UTRN: variants seen among roughly 807,000 people sequenced by gnomAD.
UTRN encodes the protein dystrophin-related protein 1.
A neutral mutation model predicts 463.9 loss-of-function variants in UTRN; 283 were observed. The observed-to-expected ratio is 0.61, with a 90% CI of 0.55 to 0.67. The LOEUF (loss-of-function observed/expected upper bound fraction) is 0.67. Among genes scored for constraint, UTRN ranks in the 30% least tolerant of loss-of-function variants. The pLI is 0.00. For synonymous variants in UTRN, 1,442 were observed against 1,431.5 expected (o/e 1.01, Z -0.17); for missense variants, 3,922 against 4,084.3 (o/e 0.96, Z 1.08).
At position 144,751,966 on chromosome 6, in the gene UTRN, C is replaced by T; in HGVS notation, c.8355+14C>T. On this transcript the variant is annotated intron_variant, in intron 56 of 74. Coordinates refer to ENST00000367545, the MANE Select transcript of UTRN (RefSeq NM_007124.3). ...AAACTTTTACAGGTATCAGCTTATT[C>T]CCCTTCATAATGCAGGCTTACACCT... The T allele has an allele frequency of 6.3e-7, 1 of 1,597,334 alleles. No individual in the cohort carries two copies. The highest frequency in any genetic ancestry group is 8.5e-7 in the Non-Finnish European group (1 of 1,173,062).
Position 144,305,689 on chromosome 6 carries a change from C to T in UTRN, c.79+13782C>T, listed in dbSNP as rs1056752097. Among the ~76,000 whole-genome samples, 4 of 152,352 alleles carry T rather than the reference C, an allele frequency of 2.6e-5. No homozygotes were observed. The South Asian group carries it at 6.2e-4, about 24-fold the overall frequency. The stretch of plus-strand genomic sequence containing the variant: ...AGGGAATGCTGGTGCTGGGATGGCC[C>T]TTCAGAGATTTCCCAACTTGAGGCA... On this transcript the variant is annotated intron_variant, in intron 2 of 74. Transcript: ENST00000367545.
At chr6:144,799,010 G>T (rs752927797) in intron 64 of UTRN, among the ~76,000 whole-genome samples, 22 of 152,226 alleles carry the variant, frequency 1.4e-4, no homozygotes, top group Non-Finnish European at 2.9e-4. Context: ...AAAGTGCTGG[G>T]ATTACAGGCG....
rs9390167 is a variant in UTRN, at chr6:144,361,476, G to A, written c.80-41647G>A. ...GTTAAAACCATCCAGGAGTCTTCCA[G>A]GGAAGTCCAGAATCTTCCAGGGAAG... is the stretch of plus-strand genomic sequence containing the variant. On this transcript the variant is annotated intron_variant, in intron 2 of 74. Coordinates refer to ENST00000367545, the MANE Select transcript of UTRN (RefSeq NM_007124.3). Among the ~76,000 whole-genome samples, 684 of 152,288 alleles carry A rather than the reference G, an allele frequency of 4.5e-3. 31 individuals are homozygous for A. In the East Asian group the frequency reaches 0.093, roughly 21 times the overall value.
At chr6:144,724,009 CAAAAAAAA>C (rs59598919) in intron 53 of UTRN, among the ~76,000 whole-genome samples, 2 of 58,774 alleles carry the variant, frequency 3.4e-5, no homozygotes, top group African/African-American at 1.1e-4. Flanking sequence ...GACTCCATCT[CAAAAAAAA>C]AAAAAAAAAA....
intron 57 of UTRN, among the ~76,000 whole-genome samples, chr6:144,756,191 T>C (rs185155419): frequency 1.5e-4 from 23 of 152,264 alleles, no homozygotes; most frequent in South Asian, 1.5e-3. Context: ...TAAAGCTCAG[T>C]TTTTCAAAAT....
intron 2 of UTRN, among the ~76,000 whole-genome samples, chr6:144,372,028 C>G (rs1255031316): frequency 6.6e-6 from 1 of 152,188 alleles, no homozygotes; most frequent in Non-Finnish European, 1.5e-5. Context: ...AAAGAATAGA[C>G]AGTGTTTAAA....
chr6:144,500,872 C>G (rs762228678), intron 34 of UTRN, among the ~76,000 whole-genome samples: 8 of 152,168 alleles, frequency 5.3e-5, no homozygotes, highest in African/African-American at 9.7e-5. Flanking sequence ...TTTCCTAAAT[C>G]TCTTTCCTGA....
rs575030792 is a variant in UTRN, at chr6:144,600,245, C to T, written c.7479+22957C>T. Reference sequence around the variant, plus strand: ...TGTTTAAGTGAAAAGAAGAATTGCACAATGCTCACTTTAAATAAAAAGCTA... The same window carrying T: ...TGTTTAAGTGAAAAGAAGAATTGCATAATGCTCACTTTAAATAAAAAGCTA... On this transcript the variant is annotated intron_variant, in intron 51 of 74. Coordinates refer to ENST00000367545, the MANE Select transcript of UTRN (RefSeq NM_007124.3). Among the ~76,000 whole-genome samples the T allele has an allele frequency of 3.9e-5, 6 of 152,270 alleles. No homozygotes were observed. In the East Asian group the frequency reaches 1.2e-3, roughly 29 times the overall value.
At chr6:144,659,715 G>A (rs1308941074) in intron 51 of UTRN, 1 of 152,222 alleles carries the variant, frequency 6.6e-6, no homozygotes, top group Admixed American at 6.5e-5. Flanking sequence ...CTTTACCCAG[G>A]ATTTTTTTTT....
intron 64 of UTRN, among the ~76,000 whole-genome samples, chr6:144,802,794 A>AATAG (rs1334788684): frequency 6.6e-6 from 1 of 152,156 alleles, no homozygotes; most frequent in African/African-American, 2.4e-5. Flanking sequence ...GTTTCAACTT[A>AATAG]ATAGATATAA....
At position 144,374,682 on chromosome 6, in the gene UTRN, C is replaced by T. The variant is rs375938348; in HGVS notation, c.80-28441C>T. On this transcript the variant is annotated intron_variant, in intron 2 of 74. Coordinates refer to ENST00000367545, the MANE Select transcript of UTRN (RefSeq NM_007124.3). ...TATTTTTAGTAGAGATGAGGTTTCACCATGTTGGTCAGGCTGGTCTTAATC... is the reference window on the plus strand; with the variant it reads ...TATTTTTAGTAGAGATGAGGTTTCATCATGTTGGTCAGGCTGGTCTTAATC... Among the ~76,000 whole-genome samples the T allele has an allele frequency of 8.0e-4, 121 of 151,358 alleles. 4 individuals carry two copies. The South Asian group carries it at 0.024, about 30-fold the overall frequency.
chr6:144,715,067 GC>G (rs1280617224), intron 53 of UTRN, among the ~76,000 whole-genome samples: 3 of 152,006 alleles, frequency 2.0e-5, no homozygotes, highest in Non-Finnish European at 4.4e-5. Context: ...CCATCTATAT[GC>G]CAAGCACTCC....
At chr6:144,689,255 G>A (rs1458147963) in intron 52 of UTRN, among the ~76,000 whole-genome samples, 1 of 152,184 alleles carries the variant, frequency 6.6e-6, no homozygotes, top group African/African-American at 2.4e-5. Flanking sequence ...TCCTGTGGGA[G>A]CAGCCCCAGG....
At chr6:144,520,314 G>T (rs1361516214) in intron 39 of UTRN, among the ~76,000 whole-genome samples, 2 of 152,090 alleles carry the variant, frequency 1.3e-5, no homozygotes, top group Non-Finnish European at 2.9e-5. Context: ...AATTATTTTT[G>T]ATTTTTTCTT....
intron 53 of UTRN, among the ~76,000 whole-genome samples, chr6:144,717,977 T>G (rs929574339): frequency 2.0e-5 from 3 of 152,082 alleles, no homozygotes; most frequent in African/African-American, 7.2e-5. Context: ...ATTAAATAAT[T>G]TATCCCTTAG....
rs148685925 is a variant in UTRN at position 144,459,186 on chromosome 6, A to G, written c.2539A>G (p.Asn847Asp). The change falls in exon 21 of 75, where the codon AAT becomes GAT. Residue 847 changes from asparagine (N) to aspartate (D), a missense_variant. Transcript: ENST00000367545. ...TTCTCTTCCTTAGCGGGAATTGACA[A>G]ATCTTCTTGGCCTTCACCCCAAAAT... is the stretch of plus-strand genomic sequence containing the variant. The part of the protein sequence containing the change: ...LKDSCQRELT[N>D]LLGLHPKIEM... 1.3e-4 allele frequency: 216 copies of G among 1,610,738 alleles called. No individual in the cohort carries two copies. Among genetic ancestry groups the G allele is most frequent in the Non-Finnish European group, 1.7e-4 (205 of 1,178,916 alleles).
chr6:144,525,413 G>C (rs947518432), intron 41 of UTRN, among the ~76,000 whole-genome samples: 3 of 151,996 alleles, frequency 2.0e-5, no homozygotes, highest in African/African-American at 4.8e-5. Flanking sequence ...TTTAATTTAG[G>C]AGGGTTGTAT....
chr6:144,823,131 G>A (rs1380079836), intron 66 of UTRN, among the ~76,000 whole-genome samples: 6 of 151,902 alleles, frequency 3.9e-5, no homozygotes, highest in Admixed American at 2.0e-4. Flanking sequence ...AAAATGCCTC[G>A]CCTCAATTCA....
intron 51 of UTRN, among the ~76,000 whole-genome samples, chr6:144,614,222 G>A (rs1211301936): frequency 6.6e-6 from 1 of 152,076 alleles, no homozygotes; most frequent in East Asian, 1.9e-4. Flanking sequence ...TGTTGAATGA[G>A]ATTCATGGTG....
Sources: gnomAD v4.1 joint callset for allele counts (sites outside exome capture counted in the v4.1 genomes callset) on GRCh38, gnomAD v4.1.1 for gene constraint, MANE v1.5 for transcripts, NCBI Gene and HGNC (gene_info 2026-07-23, HGNC 2026-07-21) for gene names.